PDZRN3: variants seen among roughly 807,000 people sequenced by gnomAD.
PDZRN3 encodes E3 ubiquitin-protein ligase PDZRN3.
PDZRN3 carries 38 observed loss-of-function variants against 85.7 expected under a neutral mutation model. The observed-to-expected ratio is 0.44, with a 90% CI of 0.34 to 0.58. The LOEUF (loss-of-function observed/expected upper bound fraction) is 0.58, where lower values mean the gene tolerates loss of function less well. Ranked by LOEUF, PDZRN3 falls within the 20% of genes least tolerant of loss-of-function variation. The pLI is 0.01. For synonymous variants in PDZRN3, 759 were observed against 638.0 expected (o/e 1.19, Z -2.86); for missense variants, 1,629 against 1,506.4 (o/e 1.08, Z -1.35).
At chr3:73,613,972 C>T (rs1702722910) in intron 1 of PDZRN3, among the ~76,000 whole-genome samples, 1 of 152,074 alleles carries the variant, frequency 6.6e-6, no homozygotes, top group African/African-American at 2.4e-5. Flanking sequence ...TGTGGGTATC[C>T]AGACCTTAAC....
chr3:73,420,869 A>G (rs1356055690), intron 3 of PDZRN3, among the ~76,000 whole-genome samples: 2 of 152,210 alleles, frequency 1.3e-5, no homozygotes, highest in African/African-American at 4.8e-5. Context: ...AATGGCACAC[A>G]GAGTATTTGC....
At chr3:73,418,929 A>C (rs560092439) in intron 3 of PDZRN3, among the ~76,000 whole-genome samples, 10 of 152,338 alleles carry the variant, frequency 6.6e-5, no homozygotes, top group Middle Eastern at 3.4e-3. Context: ...GCCAAAGCAC[A>C]GTTCTGAAAT....
At chr3:73,529,638 A>C (rs1245564265) in intron 3 of PDZRN3, among the ~76,000 whole-genome samples, 2 of 152,252 alleles carry the variant, frequency 1.3e-5, no homozygotes, top group Non-Finnish European at 2.9e-5. Context: ...CAAAGAAATC[A>C]CAGAAACAGT....
chr3:73,519,676 A>G (rs1275758181), intron 3 of PDZRN3, among the ~76,000 whole-genome samples: 1 of 152,230 alleles, frequency 6.6e-6, no homozygotes, highest in Non-Finnish European at 1.5e-5. Context: ...GTAACAGAAA[A>G]AACATCAAGT....
intron 3 of PDZRN3, among the ~76,000 whole-genome samples, chr3:73,465,713 G>A (rs1035523233): frequency 6.6e-6 from 1 of 152,214 alleles, no homozygotes; most frequent in Non-Finnish European, 1.5e-5. Context: ...CGCAGTGTAA[G>A]ATCCAAATTC....
chr3:73,447,603 G>A lies in PDZRN3; in HGVS notation c.919-43208C>T, dbSNP rs565662156. Among the ~76,000 whole-genome samples, 47 of 152,226 alleles carry A rather than the reference G, an allele frequency of 3.1e-4. 1 individual carries two copies. The highest frequency in any genetic ancestry group is 9.1e-4 in the African/African-American group (38 of 41,546). On this transcript the variant is annotated intron_variant, in intron 3 of 9. Coordinates refer to ENST00000263666, the MANE Select transcript of PDZRN3 (RefSeq NM_015009.3). Reference sequence around the variant, plus strand: ...GGGTCATAATGACCTCCCAATTGCCGCAACCAAGAGCTTGTTGTAAGTCCT... The same window carrying A: ...GGGTCATAATGACCTCCCAATTGCCACAACCAAGAGCTTGTTGTAAGTCCT...
At chr3:73,433,076 C>G (rs1298596296) in intron 3 of PDZRN3, among the ~76,000 whole-genome samples, 1 of 152,156 alleles carries the variant, frequency 6.6e-6, no homozygotes, top group Non-Finnish European at 1.5e-5. Context: ...TGACAGCACC[C>G]AAGATCAAGT....
intron 3 of PDZRN3, among the ~76,000 whole-genome samples, chr3:73,595,588 A>C (rs1702419890): frequency 1.3e-5 from 2 of 152,164 alleles, no homozygotes; most frequent in Admixed American, 1.3e-4. Context: ...TTTACAGCAT[A>C]TTTTTTCTCC....
intron 3 of PDZRN3, chr3:73,433,965 C>G: frequency 7.6e-7 from 1 of 1,320,502 alleles, no homozygotes; most frequent in Non-Finnish European, 9.7e-7. Flanking sequence ...TACACGCACA[C>G]CACTCCCTCC....
intron 3 of PDZRN3, among the ~76,000 whole-genome samples, chr3:73,548,085 C>A (rs556415874): frequency 6.6e-6 from 1 of 152,092 alleles, no homozygotes; most frequent in Non-Finnish European, 1.5e-5. Context: ...AATGTTAAAG[C>A]GGGGGAAGCT....
chr3:73,383,579 A>ATCATGAAC lies in PDZRN3; in HGVS notation c.2979_2986dup (p.Met996SerfsTer3). ...CTTGAGACAATCCAACCTGCTCTGC[A>ATCATGAAC]TCATGAACTCGCGCCGCCGCCGCTG... On this transcript the variant is annotated stop_gained and frameshift_variant, in exon 10 of 10. Coordinates refer to ENST00000263666, the MANE Select transcript of PDZRN3 (RefSeq NM_015009.3). LOFTEE classifies it high-confidence loss of function. 1 of 1,614,126 alleles carries ATCATGAAC rather than the reference A, an allele frequency of 6.2e-7. No homozygotes were observed. Among genetic ancestry groups the ATCATGAAC allele is most frequent in the Non-Finnish European group, 8.5e-7 (1 of 1,180,018 alleles).
intron 1 of PDZRN3, among the ~76,000 whole-genome samples, chr3:73,610,110 C>T (rs1480146126): frequency 6.6e-6 from 1 of 152,170 alleles, no homozygotes; most frequent in Non-Finnish European, 1.5e-5. Context: ...TTGTGAGCCT[C>T]AACATCAATT....
intron 3 of PDZRN3, among the ~76,000 whole-genome samples, chr3:73,586,695 A>G (rs1702283021): frequency 6.6e-6 from 1 of 152,230 alleles, no homozygotes; most frequent in Non-Finnish European, 1.5e-5. Flanking sequence ...TCCAGAGTGC[A>G]GGCAATCACC....
At chr3:73,554,073 G>C (rs1339433368) in intron 3 of PDZRN3, among the ~76,000 whole-genome samples, 1 of 152,220 alleles carries the variant, frequency 6.6e-6, no homozygotes, top group East Asian at 1.9e-4. Context: ...CAGAGCTGCT[G>C]AGTGAAGGTT....
chr3:73,512,185 C>T (rs1265133036), intron 3 of PDZRN3, among the ~76,000 whole-genome samples: 1 of 152,220 alleles, frequency 6.6e-6, no homozygotes, highest in East Asian at 1.9e-4. Flanking sequence ...CTGCGTGATT[C>T]TTCAGTTCTG....
At chr3:73,450,699 T>A (rs1575662520) in intron 3 of PDZRN3, among the ~76,000 whole-genome samples, 1 of 152,184 alleles carries the variant, frequency 6.6e-6, no homozygotes, top group African/African-American at 2.4e-5. Context: ...ATTTTTGCAT[T>A]TCTGCTAACT....
chr3:73,605,257 C>T (rs573780273), intron 2 of PDZRN3, among the ~76,000 whole-genome samples: 3 of 150,732 alleles, frequency 2.0e-5, no homozygotes, highest in Admixed American at 6.6e-5. Context: ...TCTCTTTATT[C>T]TTAGTTTGTT....
intron 3 of PDZRN3, among the ~76,000 whole-genome samples, chr3:73,521,686 C>A (rs4676931): frequency 0.98 from 148,679 of 152,070 alleles, 72,767 homozygotes; most frequent in East Asian, 1. Flanking sequence ...AATTATTCTT[C>A]TTATTATTAT....
intron 3 of PDZRN3, among the ~76,000 whole-genome samples, chr3:73,588,793 G>A (rs1260854292): frequency 6.6e-6 from 1 of 152,170 alleles, no homozygotes; most frequent in Non-Finnish European, 1.5e-5. Flanking sequence ...ATAATGTTGA[G>A]CATTTAGCAA....
Sources: gnomAD v4.1 joint callset for allele counts (sites outside exome capture counted in the v4.1 genomes callset) on GRCh38, gnomAD v4.1.1 for gene constraint, MANE v1.5 for transcripts, NCBI Gene and HGNC (gene_info 2026-07-23, HGNC 2026-07-21) for gene names.